The following FARP1 variants were observed in gnomAD, a reference collection of about 807,000 sequenced individuals.
FARP1 encodes FERM, ARH/RhoGEF and pleckstrin domain protein 1, also known as FERM, ARHGEF and pleckstrin domain-containing protein 1.
A neutral mutation model predicts 128.8 loss-of-function variants in FARP1; 52 were observed. The observed-to-expected ratio is 0.40, with a 90% CI of 0.32 to 0.51. The LOEUF is 0.51. FARP1 is among the 20% of genes least tolerant of loss of function. The probability of loss-of-function intolerance (pLI) is 0.45; values close to 1 mark genes in which losing one functional copy is unlikely to be tolerated. For synonymous variants in FARP1, 580 were observed against 551.8 expected, an observed-to-expected ratio of 1.05 and a Z score of -0.72; for missense variants, 1,333 against 1,367.9, an observed-to-expected ratio of 0.97 and a Z score of 0.40.
chr13:98,190,486 T>G (rs759170919), intron 1 of FARP1, among the ~76,000 whole-genome samples: 2 of 152,228 alleles, frequency 1.3e-5, no homozygotes, highest in Non-Finnish European at 2.9e-5. Flanking sequence ...CAAGGTTGAC[T>G]GATAGGAAAT....
chr13:98,177,462 C>G (rs1263613211), intron 1 of FARP1, among the ~76,000 whole-genome samples: 1 of 149,630 alleles, frequency 6.7e-6, no homozygotes, highest in Non-Finnish European at 1.5e-5. Flanking sequence ...GCCTGGCCAA[C>G]ATAGCGAAAC....
chr13:98,441,997 G>C (rs1892544041), intron 24 of FARP1, among the ~76,000 whole-genome samples: 2 of 152,234 alleles, frequency 1.3e-5, no homozygotes, highest in Admixed American at 6.5e-5. Flanking sequence ...TCAAGCCCGT[G>C]AAGGTGTGAA....
At chr13:98,249,504 A>G (rs1179601329) in intron 2 of FARP1, among the ~76,000 whole-genome samples, 1 of 152,224 alleles carries the variant, frequency 6.6e-6, no homozygotes, top group East Asian at 1.9e-4. Flanking sequence ...ATCATTAAAA[A>G]GAACTTCTGG....
intron 1 of FARP1, among the ~76,000 whole-genome samples, chr13:98,184,564 G>C (rs1198665201): frequency 2.0e-5 from 3 of 152,136 alleles, no homozygotes; most frequent in Non-Finnish European, 2.9e-5. Flanking sequence ...ACCTGTTGTT[G>C]CTTCTTAAGG....
chr13:98,334,060 G>A (rs1457293436), intron 2 of FARP1: 2 of 151,928 alleles, frequency 1.3e-5, no homozygotes, highest in South Asian at 2.1e-4. Flanking sequence ...TAATCCTTAC[G>A]GTGACCCAGT....
At chr13:98,344,165 C>A (rs1888083667) in intron 3 of FARP1, among the ~76,000 whole-genome samples, 1 of 152,272 alleles carries the variant, frequency 6.6e-6, no homozygotes, top group Middle Eastern at 3.4e-3. Flanking sequence ...GTGATATGAT[C>A]TGATTTCTGG....
intron 2 of FARP1, among the ~76,000 whole-genome samples, chr13:98,314,754 C>T (rs1192653956): frequency 6.6e-6 from 1 of 152,196 alleles, no homozygotes; most frequent in Non-Finnish European, 1.5e-5. Context: ...GGCAATTAGA[C>T]CCCACGAATA....
intron 2 of FARP1, among the ~76,000 whole-genome samples, chr13:98,293,368 G>T (rs1319001659): frequency 6.6e-6 from 1 of 152,158 alleles, no homozygotes; most frequent in Non-Finnish European, 1.5e-5. Context: ...ACTGCTGCCA[G>T]ATGACCCAGC....
At chr13:98,144,763 G>C (rs1431113869) in intron 1 of FARP1, among the ~76,000 whole-genome samples, 1 of 152,202 alleles carries the variant, frequency 6.6e-6, no homozygotes, top group South Asian at 2.1e-4. Flanking sequence ...GAAAGCTTTA[G>C]GGAGAGTTGC....
intron 1 of FARP1, among the ~76,000 whole-genome samples, chr13:98,190,993 C>G (rs562578053): frequency 1.3e-5 from 2 of 152,158 alleles, no homozygotes; most frequent in East Asian, 1.9e-4. Context: ...TCATCTCCCC[C>G]GGTCCTGCCT....
At chr13:98,398,579 G>A (rs185259339) in intron 13 of FARP1, 4 of 152,206 alleles carry the variant, frequency 2.6e-5, no homozygotes, top group East Asian at 1.9e-4. Flanking sequence ...AATTCAAATC[G>A]GATGTGGAGA....
At chr13:98,430,269 A>G (rs1891960150) in intron 17 of FARP1, among the ~76,000 whole-genome samples, 1 of 152,144 alleles carries the variant, frequency 6.6e-6, no homozygotes, top group South Asian at 2.1e-4. Flanking sequence ...AAAAATTCAG[A>G]TTTGGGAGTT....
intron 1 of FARP1, chr13:98,203,717 C>T (rs1391104723): frequency 6.6e-6 from 1 of 152,206 alleles, no homozygotes; most frequent in Non-Finnish European, 1.5e-5. Context: ...TCTGCATGTA[C>T]TTCTGTGCAG....
chr13:98,356,132 A>T (rs530842299), intron 3 of FARP1, among the ~76,000 whole-genome samples: 1 of 152,188 alleles, frequency 6.6e-6, no homozygotes, highest in Non-Finnish European at 1.5e-5. Context: ...CAAATCTATT[A>T]TTTATTTTCT....
chr13:98,227,978 A>T (rs1478795471), intron 2 of FARP1, among the ~76,000 whole-genome samples: 1 of 152,266 alleles, frequency 6.6e-6, no homozygotes, highest in Non-Finnish European at 1.5e-5. Context: ...TAATGGGTAC[A>T]GAGTTTGTTT....
chr13:98,285,426 C>T (rs1885121865), intron 2 of FARP1, among the ~76,000 whole-genome samples: 1 of 152,232 alleles, frequency 6.6e-6, no homozygotes, highest in East Asian at 1.9e-4. Flanking sequence ...TTCTTCATCT[C>T]AAAGAGCCCC....
intron 3 of FARP1, among the ~76,000 whole-genome samples, chr13:98,352,632 A>G (rs1888483455): frequency 6.6e-6 from 1 of 152,246 alleles, no homozygotes; most frequent in Non-Finnish European, 1.5e-5. Flanking sequence ...ATTTTCACAT[A>G]AAAATGAGTA....
At chr13:98,391,184 A>G (rs1890291249) in intron 11 of FARP1, among the ~76,000 whole-genome samples, 1 of 152,230 alleles carries the variant, frequency 6.6e-6, no homozygotes, top group African/African-American at 2.4e-5. Context: ...GATAAAAACT[A>G]GCTCACTGGT....
At chr13:98,364,707 G>T (rs1889011289) in intron 3 of FARP1, among the ~76,000 whole-genome samples, 1 of 152,198 alleles carries the variant, frequency 6.6e-6, no homozygotes, top group African/African-American at 2.4e-5. Context: ...AATAAAGGCA[G>T]CAGGTTTCTC....
Sources: gnomAD v4.1 joint callset for allele counts (sites outside exome capture counted in the v4.1 genomes callset) on GRCh38, gnomAD v4.1.1 for gene constraint, MANE v1.5 for transcripts, NCBI Gene and HGNC (gene_info 2026-07-23, HGNC 2026-07-21) for gene names.